PCDHGB1: variants seen among roughly 807,000 people sequenced by gnomAD.
PCDHGB1 encodes protocadherin gamma subfamily B, 1, also known as protocadherin gamma-B1.
PCDHGB1 carries 34 observed loss-of-function variants against 56.6 expected under a neutral mutation model. The observed-to-expected ratio is 0.60, with a 90% CI of 0.46 to 0.80. The LOEUF is 0.80. Ranked by LOEUF, PCDHGB1 falls within the 30% of genes least tolerant of loss-of-function variation. PCDHGB1 has a pLI of 0.00. For synonymous variants in PCDHGB1, 561 were observed against 505.9 expected (o/e 1.11, Z -1.46); for missense variants, 1,278 against 1,204.6 (o/e 1.06, Z -0.90).
intron 1 of PCDHGB1, chr5:141,395,043 G>A: frequency 6.2e-7 from 1 of 1,614,150 alleles, no homozygotes. Flanking sequence ...TGTGGGTGTT[G>A]AGGAGGTACA....
At position 141,355,654 on chromosome 5, in the gene PCDHGB1, T is replaced by C. The variant is rs199886630; in HGVS notation, c.2409+2985T>C. 3.2e-3 allele frequency: 5,118 copies of C among 1,613,994 alleles called. 18 individuals carry two copies. The highest frequency in any genetic ancestry group is 4.0e-3 in the Non-Finnish European group (4,668 of 1,179,882). ...TGAAAATGAAAATCCTGGGGCAAGA[T>C]TTCCTCTTCCTGAAGCTTTTGATCC... On this transcript the variant is annotated intron_variant, in intron 1 of 3. Transcript: ENST00000523390.
chr5:141,451,314 G>A (rs1286009420), intron 1 of PCDHGB1, among the ~76,000 whole-genome samples: 1 of 152,218 alleles, frequency 6.6e-6, no homozygotes, highest in Non-Finnish European at 1.5e-5. Context: ...AGCAATTAAA[G>A]TGTCACCTAA....
chr5:141,510,834 G>T, intron 3 of PCDHGB1, 113 bp from the exon 4 acceptor site: 1 of 1,581,880 alleles, frequency 6.3e-7, no homozygotes. Flanking sequence ...AGTGCTCAGC[G>T]TGGTCAAGGC....
intron 1 of PCDHGB1, chr5:141,365,002 C>A: frequency 6.2e-7 from 1 of 1,613,918 alleles, no homozygotes; most frequent in African/African-American, 1.3e-5. Flanking sequence ...TACTCTCCGG[C>A]ACCACGCACA....
At chr5:141,413,844 C>A in intron 1 of PCDHGB1, 2 of 1,613,254 alleles carry the variant, frequency 1.2e-6, no homozygotes, top group Non-Finnish European at 1.7e-6. Context: ...ACGGGGGTGA[C>A]CCTCTCCGAT....
In PCDHGB1 at chr5:141,431,961, A is replaced by C; in HGVS notation, c.2410-62846A>C. Reference sequence around the variant, plus strand: ...AAATTAGAAAAATCTTACGGAAATTACTATAGTTTAGTCACAGACATAGTC... The same window carrying C: ...AAATTAGAAAAATCTTACGGAAATTCCTATAGTTTAGTCACAGACATAGTC... On this transcript the variant is annotated intron_variant, in intron 1 of 3. Transcript: ENST00000523390. The surrounding 1 kb of genome is among the most constrained non-coding windows in gnomAD (Gnocchi z 4.8). 1 of 1,614,206 alleles carries C rather than the reference A, an allele frequency of 6.2e-7. No homozygotes were observed.
intron 1 of PCDHGB1, among the ~76,000 whole-genome samples, chr5:141,470,537 A>G (rs189730495): frequency 1.3e-5 from 2 of 152,256 alleles, no homozygotes; most frequent in Non-Finnish European, 2.9e-5. Context: ...TGTATCAGGT[A>G]ATATTTATTG....
At chr5:141,436,738 G>T (rs1207400781) in intron 1 of PCDHGB1, among the ~76,000 whole-genome samples, 2 of 152,306 alleles carry the variant, frequency 1.3e-5, no homozygotes, top group South Asian at 2.1e-4. Context: ...AATGATTTTT[G>T]TGTGCTTCTC....
At chr5:141,478,442 C>T in intron 1 of PCDHGB1, 1 of 1,613,608 alleles carries the variant, frequency 6.2e-7, no homozygotes, top group Non-Finnish European at 8.5e-7. Flanking sequence ...GCTGAAGAAA[C>T]CTGGTGCAGC....
intron 1 of PCDHGB1, chr5:141,423,925 T>C (rs17097293): frequency 0.23 from 286,429 of 1,244,544 alleles, 36,355 homozygotes; most frequent in African/African-American, 0.51. Flanking sequence ...ACTATGCTGG[T>C]TTGGTTTGAA....
Position 141,372,039 on chromosome 5 carries a change from C to A in PCDHGB1, c.2409+19370C>A, listed in dbSNP as rs757866605. 4.3e-6 allele frequency: 7 copies of A among 1,613,350 alleles called. No homozygotes were observed. Among genetic ancestry groups the A allele is most frequent in the Admixed American group, 1.7e-5 (1 of 59,996 alleles). ...TACGCTCAGCGCCAACGTGAGCCTG[C>A]GCGTGTTGGTGGACGACCGCAACGA... On this transcript the variant is annotated intron_variant, in intron 1 of 3. Coordinates refer to ENST00000523390, the MANE Select transcript of PCDHGB1 (RefSeq NM_018922.3).
chr5:141,451,528 G>C (rs1451101169), intron 1 of PCDHGB1, among the ~76,000 whole-genome samples: 8 of 152,210 alleles, frequency 5.3e-5, no homozygotes. Flanking sequence ...AAGTAAAGGA[G>C]AGTGCCAGAG....
At chr5:141,383,688 G>A (rs1246896425) in intron 1 of PCDHGB1, 6 of 1,614,008 alleles carry the variant, frequency 3.7e-6, no homozygotes, top group Non-Finnish European at 5.1e-6. Context: ...GACTGCTCAC[G>A]GTACATGCTA....
intron 1 of PCDHGB1, chr5:141,421,214 G>T (rs1469085534): frequency 5.1e-6 from 8 of 1,561,612 alleles, no homozygotes; most frequent in Non-Finnish European, 6.9e-6. Flanking sequence ...CGGAATATCG[G>T]CTTAGAGCCT....
chr5:141,409,861 A>C, intron 1 of PCDHGB1: 1 of 1,612,406 alleles, frequency 6.2e-7, no homozygotes, highest in Non-Finnish European at 8.5e-7. Context: ...TGTTGGTGGG[A>C]GACCGCAATG....
At chr5:141,495,419 C>A (rs1434107823) in intron 2 of PCDHGB1, among the ~76,000 whole-genome samples, 1 of 152,228 alleles carries the variant, frequency 6.6e-6, no homozygotes, top group Non-Finnish European at 1.5e-5. Context: ...CCGGCCCCTC[C>A]TCCCACTGTC....
chr5:141,365,266 C>A, intron 1 of PCDHGB1: 2 of 1,613,938 alleles, frequency 1.2e-6, no homozygotes, highest in African/African-American at 2.7e-5. Context: ...ATGAAGAATC[C>A]AGATTCTACC....
At chr5:141,372,628 A>G (rs1561557041) in intron 1 of PCDHGB1, 5 of 1,614,014 alleles carry the variant, frequency 3.1e-6, no homozygotes, top group Non-Finnish European at 4.2e-6. Flanking sequence ...ACCTACAGCG[A>G]AAGGACTTTG....
Position 141,432,072 on chromosome 5 carries a change from T to C in PCDHGB1, c.2410-62735T>C, listed in dbSNP as rs1236871982. The C allele has an allele frequency of 6.2e-7, 1 of 1,614,178 alleles. No homozygotes were observed. The highest frequency in any genetic ancestry group is 8.5e-7 in the Non-Finnish European group (1 of 1,180,032). On this transcript the variant is annotated intron_variant, in intron 1 of 3. Coordinates refer to ENST00000523390, the MANE Select transcript of PCDHGB1 (RefSeq NM_018922.3). This position sits in a 1 kb window ranked among gnomAD's most constrained non-coding sequence, Gnocchi z 6.0. ...CCGCCCCTATCCACGGAAACTCATA[T>C]CTCGCTGAACGTGGCAGACACCAAC...
Sources: gnomAD v4.1 joint callset for allele counts (sites outside exome capture counted in the v4.1 genomes callset) on GRCh38, gnomAD v4.1.1 for gene constraint, Gnocchi (gnomAD v3.1) non-coding constraint, MANE v1.5 for transcripts, NCBI Gene and HGNC (gene_info 2026-07-23, HGNC 2026-07-21) for gene names.